MAP3K5: variants seen among roughly 807,000 people sequenced by gnomAD.
MAP3K5 encodes the protein mitogen-activated protein kinase kinase kinase 5.
Under a neutral mutation model 158.7 loss-of-function variants are expected in MAP3K5, and 56 were observed. The observed-to-expected ratio is 0.35, with a 90% CI of 0.28 to 0.44. The LOEUF (loss-of-function observed/expected upper bound fraction) is 0.44, where lower values mean the gene tolerates loss of function less well. Among genes scored for constraint, MAP3K5 ranks in the 20% least tolerant of loss-of-function variants. MAP3K5 has a pLI of 1.00. For synonymous variants in MAP3K5, 579 were observed against 601.7 expected (o/e 0.96, Z 0.55); for missense variants, 1,294 against 1,674.8 (o/e 0.77, Z 3.97).
chr6:136,586,080 A>G (rs1775127518), intron 23 of MAP3K5, among the ~76,000 whole-genome samples: 1 of 152,180 alleles, frequency 6.6e-6, no homozygotes, highest in Non-Finnish European at 1.5e-5. Context: ...TGTTTTCATG[A>G]GATAAGATTA....
chr6:136,592,082 C>A (rs1775410930), intron 23 of MAP3K5, 91 bp downstream of exon 23: 19 of 1,233,986 alleles, frequency 1.5e-5, no homozygotes, highest in Admixed American at 5.0e-5. Context: ...GTTCCTCTTG[C>A]CTTTCACATC....
chr6:136,650,621 C>T (rs1342338312), intron 11 of MAP3K5, among the ~76,000 whole-genome samples: 1 of 152,234 alleles, frequency 6.6e-6, no homozygotes, highest in East Asian at 1.9e-4. Context: ...ATCATTCTGA[C>T]AGGCTTCCTA....
chr6:136,667,770 A>G (rs1779291834), intron 8 of MAP3K5, among the ~76,000 whole-genome samples: 1 of 151,228 alleles, frequency 6.6e-6, no homozygotes, highest in African/African-American at 2.4e-5. Flanking sequence ...AGGATCACCT[A>G]AGTCTTGGGG....
intron 1 of MAP3K5, among the ~76,000 whole-genome samples, chr6:136,765,070 A>C (rs1783905064): frequency 6.6e-6 from 1 of 152,214 alleles, no homozygotes; most frequent in Non-Finnish European, 1.5e-5. Context: ...AAAATTAGGA[A>C]GTCATCATTA....
At position 136,702,875 on chromosome 6, in the gene MAP3K5, T is replaced by C. The variant is rs561279940; in HGVS notation, c.612+2235A>G. Among the ~76,000 whole-genome samples the C allele has an allele frequency of 2.6e-5, 4 of 152,288 alleles. No homozygotes were observed. In the East Asian group the frequency reaches 7.7e-4, roughly 29 times the overall value. On this transcript the variant is annotated intron_variant, in intron 3 of 29. Coordinates refer to ENST00000359015, the MANE Select transcript of MAP3K5 (RefSeq NM_005923.4). Reference sequence around the variant, plus strand: ...CACACTTGGCTACTTGTTGTATTTTTAGTAGAGACAGGGTTTCACCATGTT... The same window carrying C: ...CACACTTGGCTACTTGTTGTATTTTCAGTAGAGACAGGGTTTCACCATGTT...
At chr6:136,677,639 G>A (rs1256255292) in intron 7 of MAP3K5, among the ~76,000 whole-genome samples, 3 of 152,142 alleles carry the variant, frequency 2.0e-5, no homozygotes, top group Admixed American at 2.0e-4. Context: ...TCATGGAAAT[G>A]GCCAAGGAAA....
rs568670455 is a variant in MAP3K5 at position 136,788,603 on chromosome 6, A to G, written c.448+3107T>C. 7.7e-4 allele frequency among the ~76,000 whole-genome samples: 117 copies of G among 152,352 alleles called. 2 individuals carry two copies. The highest frequency in any genetic ancestry group is 2.5e-3 in the African/African-American group (103 of 41,576). On this transcript the variant is annotated intron_variant, in intron 1 of 29. Transcript: ENST00000359015. ...AAGTAGGCGAAAGATATGAACAGAC[A>G]CTTCTCAGAAGAAGGCATACAAGCA...
At chr6:136,617,663 G>A (rs1776624406) in intron 15 of MAP3K5, among the ~76,000 whole-genome samples, 2 of 152,042 alleles carry the variant, frequency 1.3e-5, no homozygotes, top group South Asian at 4.1e-4. Context: ...GGCCGGTGCA[G>A]TGGTTCACTC....
chr6:136,743,349 C>G (rs1782795019), intron 1 of MAP3K5, among the ~76,000 whole-genome samples: 1 of 152,048 alleles, frequency 6.6e-6, no homozygotes, highest in Non-Finnish European at 1.5e-5. Flanking sequence ...ACTCGGGAGG[C>G]TGAGGCAGGA....
intron 14 of MAP3K5, among the ~76,000 whole-genome samples, chr6:136,636,107 T>C (rs1191206920): frequency 3.3e-5 from 5 of 152,152 alleles, no homozygotes; most frequent in Non-Finnish European, 7.4e-5. Context: ...AATATTTGTA[T>C]CCTCCCCAAA....
rs77755985 is a variant in MAP3K5 at position 136,622,737 on chromosome 6, G to C, written c.2150+111C>G. The C allele has an allele frequency of 2.6e-3, 3,089 of 1,188,620 alleles. 62 individuals carry two copies. The African/African-American group carries it at 0.043, about 16-fold the overall frequency. The allele number at this position is 1,188,620 out of a possible 1,614,324, so 73.6% of individuals were successfully genotyped here. A position where few individuals can be genotyped will look rare whatever the true frequency, so the allele number is the denominator to read the frequency against. ...AAACCTCAGAAGGAGCTAATTCACAGAGTGAAGTTTTCACAGTTTCATTCA... is the reference window on the plus strand; with the variant it reads ...AAACCTCAGAAGGAGCTAATTCACACAGTGAAGTTTTCACAGTTTCATTCA... On this transcript the variant is annotated intron_variant, in intron 15 of 29. Coordinates refer to ENST00000359015, the MANE Select transcript of MAP3K5 (RefSeq NM_005923.4).
rs192432315 is a variant in MAP3K5, at chr6:136,609,968, C to T, written c.2521+1314G>A. ...ACAAAAAACCAGTCTGAGTTCTATC[C>T]GGTACACACTGCTGTGACTTCTGAC... On this transcript the variant is annotated intron_variant, in intron 18 of 29. Transcript: ENST00000359015. The surrounding 1 kb of genome is among the most constrained non-coding windows in gnomAD (Gnocchi z 4.4). 1.6e-3 allele frequency among the ~76,000 whole-genome samples: 247 copies of T among 152,012 alleles called. No homozygotes were observed. The highest frequency in any genetic ancestry group is 5.7e-3 in the African/African-American group (237 of 41,460).
intron 1 of MAP3K5, among the ~76,000 whole-genome samples, chr6:136,746,045 T>C (rs183159440): frequency 6.6e-6 from 1 of 152,310 alleles, no homozygotes; most frequent in East Asian, 1.9e-4. Flanking sequence ...GACAGCTGCA[T>C]GGGTCCAGGT....
chr6:136,742,964 A>AG (rs1246226729), intron 1 of MAP3K5, among the ~76,000 whole-genome samples: 1 of 151,752 alleles, frequency 6.6e-6, no homozygotes, highest in East Asian at 1.9e-4. Context: ...AGGCCAAGGC[A>AG]GGAGGATCAC....
rs1778504145 is a variant in MAP3K5 at position 136,651,158 on chromosome 6, A to G, written c.1681-67T>C. The G allele has an allele frequency of 5.2e-6, 4 of 776,416 alleles. No individual in the cohort carries two copies. In the African/African-American group the frequency reaches 5.2e-5, roughly 10 times the overall value. 48.1% of individuals were successfully genotyped at this position (776,416 alleles called of 1,614,324 possible). A position where few individuals can be genotyped will look rare whatever the true frequency, so the allele number is the denominator to read the frequency against. The stretch of plus-strand genomic sequence containing the variant: ...GACTGAAACCACTTAGAGCTGCTAT[A>G]ACACCCCAGCACCAACGTAGAGGAT... On this transcript the variant is annotated intron_variant, in intron 10 of 29. Transcript: ENST00000359015.
intron 1 of MAP3K5, among the ~76,000 whole-genome samples, chr6:136,728,415 C>T (rs1186020436): frequency 2.6e-5 from 4 of 152,042 alleles, no homozygotes; most frequent in South Asian, 2.1e-4. Flanking sequence ...TAGATAACAT[C>T]GGGAAACTGC....
intron 21 of MAP3K5, among the ~76,000 whole-genome samples, chr6:136,597,522 C>T (rs911550233): frequency 4.6e-5 from 7 of 152,172 alleles, no homozygotes; most frequent in Admixed American, 1.3e-4. Context: ...CTCCAACTGG[C>T]CAAACATAGA....
chr6:136,567,570 A>T, intron 26 of MAP3K5, 61 bp downstream of exon 26: 2 of 1,517,862 alleles, frequency 1.3e-6, no homozygotes, highest in East Asian at 2.3e-5. Context: ...TAGACCAAAA[A>T]CACATGCTCT....
At chr6:136,600,492 C>A (rs1303510731) in intron 21 of MAP3K5, among the ~76,000 whole-genome samples, 1 of 152,102 alleles carries the variant, frequency 6.6e-6, no homozygotes, top group Non-Finnish European at 1.5e-5. Context: ...CCATGCCCAG[C>A]CTCATGTTCA....
Sources: gnomAD v4.1 joint callset for allele counts (sites outside exome capture counted in the v4.1 genomes callset) on GRCh38, gnomAD v4.1.1 for gene constraint, Gnocchi (gnomAD v3.1) non-coding constraint, MANE v1.5 for transcripts, NCBI Gene and HGNC (gene_info 2026-07-23, HGNC 2026-07-21) for gene names.